The following SYNPO2 variants were observed in gnomAD, a reference collection of about 807,000 sequenced individuals.
SYNPO2 encodes the protein synaptopodin 2.
In SYNPO2, 56 loss-of-function variants were observed where a neutral mutation model predicts 85.0. That is an observed-to-expected ratio of 0.66 (90% CI 0.53 to 0.82). The LOEUF is 0.82. SYNPO2 is among the 40% of genes least tolerant of loss of function. The pLI, the probability that SYNPO2 is intolerant of heterozygous loss-of-function variation, is 0.00. For synonymous variants in SYNPO2, 602 were observed against 591.1 expected (o/e 1.02, Z -0.27); for missense variants, 1,575 against 1,534.2 (o/e 1.03, Z -0.44).
chr4:118,990,278 T>C (rs1736364244), intron 1 of SYNPO2, among the ~76,000 whole-genome samples: 1 of 152,180 alleles, frequency 6.6e-6, no homozygotes, highest in African/African-American at 2.4e-5. Context: ...TCTATTCCTT[T>C]CTCTCACAAA....
chr4:118,878,962 A>T (rs1037987518), intron 1 of SYNPO2, among the ~76,000 whole-genome samples: 1 of 152,188 alleles, frequency 6.6e-6, no homozygotes, highest in Non-Finnish European at 1.5e-5. Context: ...TAAGAGCTGT[A>T]ACACTCACTG....
intron 1 of SYNPO2, among the ~76,000 whole-genome samples, chr4:118,911,065 T>C (rs1733119802): frequency 6.6e-6 from 1 of 152,212 alleles, no homozygotes; most frequent in Non-Finnish European, 1.5e-5. Context: ...TTATATTTCT[T>C]TTATCTGATG....
chr4:119,054,381 C>CA, intron 4 of SYNPO2, among the ~76,000 whole-genome samples: 1 of 152,294 alleles, frequency 6.6e-6, no homozygotes, highest in African/African-American at 2.4e-5. Flanking sequence ...TGGGTACCTG[C>CA]ACTCGGTGGG....
intron 1 of SYNPO2, among the ~76,000 whole-genome samples, chr4:118,936,449 G>A (rs1734105759): frequency 1.3e-5 from 2 of 152,036 alleles, no homozygotes; most frequent in Admixed American, 1.3e-4. Context: ...TATTTTTTAA[G>A]ATAATTCTTT....
intron 1 of SYNPO2, among the ~76,000 whole-genome samples, chr4:118,945,299 A>G (rs1470988413): frequency 6.6e-6 from 1 of 152,230 alleles, no homozygotes. Flanking sequence ...GTGTAATTAT[A>G]TCAGCTTAAT....
chr4:118,892,114 A>G (rs569091683), intron 1 of SYNPO2, among the ~76,000 whole-genome samples: 50 of 152,304 alleles, frequency 3.3e-4, no homozygotes, highest in African/African-American at 1.2e-3. Context: ...CTTCTGAGAT[A>G]TGTTCAAACA....
At chr4:118,865,422 C>T (rs963300362) in intron 1 of SYNPO2, among the ~76,000 whole-genome samples, 6 of 152,158 alleles carry the variant, frequency 3.9e-5, no homozygotes, top group Middle Eastern at 3.2e-3. Flanking sequence ...GAAACAGACA[C>T]GTTTGATAAT....
chr4:119,026,550 A>G (rs1737951429), intron 2 of SYNPO2, 77 bp from the exon 3 acceptor site: 14 of 1,456,642 alleles, frequency 9.6e-6, no homozygotes, highest in Non-Finnish European at 6.5e-6. Flanking sequence ...ATTAGACATC[A>G]CAAAAGTGTC....
chr4:119,009,805 G>A (rs1337143850), intron 1 of SYNPO2, among the ~76,000 whole-genome samples: 22 of 152,176 alleles, frequency 1.4e-4, no homozygotes, highest in Admixed American at 1.4e-3. Context: ...GCCATTAATG[G>A]TTTATGAGCT....
Position 118,998,279 on chromosome 4 carries a change from T to C in SYNPO2, c.106-25151T>C, listed in dbSNP as rs539440158. The stretch of plus-strand genomic sequence containing the variant: ...AAGAGAGCGCTCAAGGATGAAGCAT[T>C]ATTTGTATTGCTAGGACTGCTAAGC... On this transcript the variant is annotated intron_variant, in intron 1 of 4. Transcript: ENST00000307142. 5.3e-5 allele frequency among the ~76,000 whole-genome samples: 8 copies of C among 152,336 alleles called. No homozygotes were observed. The South Asian group carries it at 1.7e-3, about 32-fold the overall frequency.
At chr4:118,986,613 C>T (rs545393413) in intron 1 of SYNPO2, among the ~76,000 whole-genome samples, 13 of 152,280 alleles carry the variant, frequency 8.5e-5, no homozygotes, top group African/African-American at 2.9e-4. Flanking sequence ...TGGCCATTTC[C>T]ACTATATCTA....
chr4:119,009,313 GT>G (rs1737202276), intron 1 of SYNPO2, among the ~76,000 whole-genome samples: 1 of 152,194 alleles, frequency 6.6e-6, no homozygotes, highest in Non-Finnish European at 1.5e-5. Context: ...AACCCAGAGA[GT>G]CTTGGCTTTG....
chr4:119,014,845 G>GT (rs1228543970), intron 1 of SYNPO2, among the ~76,000 whole-genome samples: 1 of 152,170 alleles, frequency 6.6e-6, no homozygotes, highest in Non-Finnish European at 1.5e-5. Context: ...GCACCAGACA[G>GT]TTTTTTTGTC....
At chr4:118,894,615 G>A (rs572023677) in intron 1 of SYNPO2, among the ~76,000 whole-genome samples, 11 of 152,072 alleles carry the variant, frequency 7.2e-5, no homozygotes, top group African/African-American at 2.4e-4. Flanking sequence ...GGGAAGGAGA[G>A]TAGGAGAAAA....
intron 1 of SYNPO2, among the ~76,000 whole-genome samples, chr4:118,921,218 C>A (rs769692774): frequency 5.9e-5 from 9 of 152,116 alleles, no homozygotes; most frequent in Non-Finnish European, 1.3e-4. Flanking sequence ...AACCTGAGTT[C>A]TTTACCTAGT....
chr4:118,901,165 C>G (rs1423227437), intron 1 of SYNPO2, among the ~76,000 whole-genome samples: 1 of 152,138 alleles, frequency 6.6e-6, no homozygotes, highest in Non-Finnish European at 1.5e-5. Context: ...ATTTTAGCCA[C>G]TTTTAATTTG....
At chr4:118,905,862 C>CT (rs1732919870) in intron 1 of SYNPO2, among the ~76,000 whole-genome samples, 2 of 152,132 alleles carry the variant, frequency 1.3e-5, no homozygotes, top group Non-Finnish European at 2.9e-5. Context: ...GAACCCTTTC[C>CT]TATTTGATAC....
In SYNPO2 at chr4:119,027,369, G is replaced by T; in HGVS notation, c.1000G>T (p.Glu334Ter). ...VSFAVSSEGT[E>*]QGEDPRSEKD... ...CTTTGCCGTCTCATCAGAAGGCACAGAGCAGGGAGAAGATCCACGCTCGGA... is the reference window on the plus strand; with the variant it reads ...CTTTGCCGTCTCATCAGAAGGCACATAGCAGGGAGAAGATCCACGCTCGGA... The change falls in exon 3 of 5, where the codon GAG becomes TAG. Residue 334 changes from glutamate to a stop codon, truncating the protein, a stop_gained. Transcript: ENST00000307142. LOFTEE classifies it high-confidence loss of function. The T allele has an allele frequency of 6.2e-7, 1 of 1,613,714 alleles. No homozygotes were observed. The highest frequency in any genetic ancestry group is 1.1e-5 in the South Asian group (1 of 91,070).
At chr4:118,950,357 C>G (rs1456319343) in intron 1 of SYNPO2, among the ~76,000 whole-genome samples, 1 of 152,112 alleles carries the variant, frequency 6.6e-6, no homozygotes, top group Non-Finnish European at 1.5e-5. Flanking sequence ...TCACAGTTCC[C>G]AAGGGTAGGG....
Sources: gnomAD v4.1 joint callset for allele counts (sites outside exome capture counted in the v4.1 genomes callset) on GRCh38, gnomAD v4.1.1 for gene constraint, MANE v1.5 for transcripts, NCBI Gene and HGNC (gene_info 2026-07-23, HGNC 2026-07-21) for gene names.